The following ANAPC5 variants were observed in gnomAD, a reference collection of about 807,000 sequenced individuals.
ANAPC5 encodes the protein anaphase promoting complex subunit 5.
Under a neutral mutation model 91.3 loss-of-function variants are expected in ANAPC5, and 60 were observed. The observed-to-expected ratio is 0.66, with a 90% CI of 0.53 to 0.81. The LOEUF (loss-of-function observed/expected upper bound fraction) is 0.81, where lower values mean the gene tolerates loss of function less well. ANAPC5 is among the 40% of genes least tolerant of loss of function. The pLI, the probability that ANAPC5 is intolerant of heterozygous loss-of-function variation, is 0.00. For missense variants in ANAPC5, 690 were observed against 931.5 expected (o/e 0.74, Z 3.37); for synonymous variants, 340 against 364.1 (o/e 0.93, Z 0.75).
intron 6 of ANAPC5, 115 bp downstream of exon 6, chr12:121,337,176 C>T: frequency 2.6e-6 from 2 of 762,236 alleles, no homozygotes; most frequent in Non-Finnish European, 4.4e-6. Context: ...CAAGGTCGTG[C>T]CACTGCACTC....
chr12:121,319,566 C>T (rs1902514271), intron 13 of ANAPC5, 131 bp downstream of exon 13: 1 of 972,154 alleles, frequency 1.0e-6, no homozygotes, highest in Non-Finnish European at 1.5e-6. Context: ...AGCTGCTTAC[C>T]TGTATTTTCT....
At chr12:121,315,746 G>A (rs1036267742) in intron 15 of ANAPC5, among the ~76,000 whole-genome samples, 6 of 152,002 alleles carry the variant, frequency 3.9e-5, no homozygotes, top group Admixed American at 6.6e-5. Flanking sequence ...ACCTATATCC[G>A]TATGCAGAAG....
chr12:121,328,200 G>T, intron 10 of ANAPC5, 116 bp downstream of exon 10: 1 of 928,516 alleles, frequency 1.1e-6, no homozygotes, highest in Non-Finnish European at 1.6e-6. Flanking sequence ...TCCCCTGCAG[G>T]AACAACATCT....
intron 12 of ANAPC5, 91 bp from the exon 13 acceptor site, chr12:121,319,909 T>C: frequency 1.6e-6 from 2 of 1,249,170 alleles, no homozygotes; most frequent in Non-Finnish European, 2.2e-6. Flanking sequence ...TTAGCAAATA[T>C]CCTTACAATA....
At chr12:121,313,276 A>T (rs1043927394) in intron 15 of ANAPC5, among the ~76,000 whole-genome samples, 44 of 152,222 alleles carry the variant, frequency 2.9e-4, no homozygotes, top group African/African-American at 1.0e-3. Flanking sequence ...CAGAGAGCCA[A>T]GATTGCACCA....
intron 15 of ANAPC5, among the ~76,000 whole-genome samples, chr12:121,315,944 A>G (rs1902341624): frequency 6.6e-6 from 1 of 152,208 alleles, no homozygotes; most frequent in Non-Finnish European, 1.5e-5. Context: ...AATAAATTGG[A>G]CTTCATAAAA....
In ANAPC5 at chr12:121,335,643, A is replaced by G. The variant is rs782445257; in HGVS notation, c.840T>C (p.Arg280=). 4 of 1,613,990 alleles carry G rather than the reference A, an allele frequency of 2.5e-6. No individual in the cohort carries two copies. Among genetic ancestry groups the G allele is most frequent in the African/African-American group, 2.7e-5 (2 of 74,928 alleles). Residue 280 remains arginine, a synonymous_variant, in exon 7 of 17, where the codon CGT becomes CGC. Transcript: ENST00000261819. ...STHSLLHYFD[R]LILTGAESKS... ...TGCTTTCGGCTCCGGTAAGAATCAG[A>G]CGATCAAAATAATGGAGGAGACTGT...
At chr12:121,341,206 A>G (rs1555274054) in intron 5 of ANAPC5, among the ~76,000 whole-genome samples, 1 of 152,034 alleles carries the variant, frequency 6.6e-6, no homozygotes, top group East Asian at 1.9e-4. Context: ...ACGCTGGTTC[A>G]TGTCTGTAAT....
intron 15 of ANAPC5, among the ~76,000 whole-genome samples, chr12:121,312,361 C>T (rs887776136): frequency 5.9e-5 from 9 of 151,626 alleles, no homozygotes; most frequent in African/African-American, 1.9e-4. Flanking sequence ...GGCAGGAGTT[C>T]GAGACCAGCC....
intron 11 of ANAPC5, among the ~76,000 whole-genome samples, chr12:121,323,488 C>T (rs556566651): frequency 1.3e-5 from 2 of 152,252 alleles, no homozygotes; most frequent in Admixed American, 6.5e-5. Context: ...CCACACACCA[C>T]ACCCAGCTAA....
intron 11 of ANAPC5, among the ~76,000 whole-genome samples, chr12:121,321,863 T>C (rs1317213457): frequency 1.3e-4 from 20 of 149,382 alleles, no homozygotes; most frequent in Non-Finnish European, 6.0e-5. Flanking sequence ...GGTTTTGCTG[T>C]TGTTGTTGCT....
intron 10 of ANAPC5, 108 bp downstream of exon 10, chr12:121,328,208 T>G (rs1001016910): frequency 7.5e-5 from 74 of 982,096 alleles, no homozygotes; most frequent in Non-Finnish European, 1.0e-4. Context: ...AGGAACAACA[T>G]CTATCCAAGG....
chr12:121,318,707 A>C (rs1593578662), intron 13 of ANAPC5, 99 bp from the exon 14 acceptor site: 1 of 1,086,530 alleles, frequency 9.2e-7, no homozygotes, highest in East Asian at 2.4e-5. Flanking sequence ...CCAAGGGAAA[A>C]AACTGTGCCT....
At chr12:121,352,428 C>T (rs1566202123), upstream of ANAPC5, 23 of 1,074,076 alleles carry the variant, frequency 2.1e-5, no homozygotes, top group East Asian at 4.7e-4. Flanking sequence ...ACATCTCCGC[C>T]CGCCCTCACA....
intron 15 of ANAPC5, among the ~76,000 whole-genome samples, chr12:121,311,403 C>T (rs1026427112): frequency 2.0e-5 from 3 of 151,926 alleles, no homozygotes; most frequent in African/African-American, 4.8e-5. Flanking sequence ...TTACAAGAGA[C>T]AAGGAAAAAG....
At chr12:121,330,130 G>C (rs1174915797) in intron 9 of ANAPC5, among the ~76,000 whole-genome samples, 4 of 152,002 alleles carry the variant, frequency 2.6e-5, no homozygotes, top group Non-Finnish European at 4.4e-5. Context: ...TTTCTGTCAC[G>C]TATTTCTTCT....
At position 121,352,346 on chromosome 12, in the gene ANAPC5, CCCGAGACTAAGTCTCGGG is replaced by C. The variant is rs1180182245; in HGVS notation, c.-24_-7del. 15 of 1,593,896 alleles carry C rather than the reference CCCGAGACTAAGTCTCGGG, an allele frequency of 9.4e-6. No homozygotes were observed. In the East Asian group the frequency reaches 3.4e-4, roughly 36 times the overall value. On this transcript the variant is annotated 5_prime_UTR_variant, in exon 1 of 17. Coordinates refer to ENST00000261819, the MANE Select transcript of ANAPC5 (RefSeq NM_016237.5). ...CTCTCGTGGACGCTGGCCATGGCGGCCCGAGACTAAGTCTCGGGCCCGCGGCGCGCTGCCGCCAGTTGT... is the reference window on the plus strand; with the variant it reads ...CTCTCGTGGACGCTGGCCATGGCGGCCCCGCGGCGCGCTGCCGCCAGTTGT...
Position 121,327,104 on chromosome 12 carries a change from C to A in ANAPC5, c.1432G>T (p.Ala478Ser). The A allele has an allele frequency of 1.9e-6, 3 of 1,603,824 alleles. No homozygotes were observed. The highest frequency in any genetic ancestry group is 2.5e-6 in the Non-Finnish European group (3 of 1,176,502). ...CCCGGCCACCTGCCTACCTGCTCCG[C>A]GTGTAGCTCTGCGAGGTGGCAGAGT... ...VALCHLAELH[A>S]EQGCFAAASE... is the part of the protein sequence containing the mutation. The change falls in exon 11 of 17, where the codon GCG becomes TCG. Residue 478 changes from alanine (A) to serine (S), a missense_variant. Ala to Ser is a moderately conservative substitution (Grantham distance 99). Coordinates refer to ENST00000261819, the MANE Select transcript of ANAPC5 (RefSeq NM_016237.5).
At position 121,320,381 on chromosome 12, in the gene ANAPC5, T is replaced by C; in HGVS notation, c.1515+4A>G. The C allele has an allele frequency of 2.5e-6, 4 of 1,613,266 alleles. No homozygotes were observed. The highest frequency in any genetic ancestry group is 3.4e-6 in the Non-Finnish European group (4 of 1,179,398). Reference sequence around the variant, plus strand: ...AATCTATTGCCATGCAAAAGGCAGATTACCTGGGCGTGCTGACTATTAGGC... The same window carrying C: ...AATCTATTGCCATGCAAAAGGCAGACTACCTGGGCGTGCTGACTATTAGGC... On this transcript the variant is annotated splice_donor_region_variant and intron_variant, in intron 12 of 16. Coordinates refer to ENST00000261819, the MANE Select transcript of ANAPC5 (RefSeq NM_016237.5).
Sources: gnomAD v4.1 joint callset for allele counts (sites outside exome capture counted in the v4.1 genomes callset) on GRCh38, gnomAD v4.1.1 for gene constraint, MANE v1.5 for transcripts, NCBI Gene and HGNC (gene_info 2026-07-23, HGNC 2026-07-21) for gene names.